Variants in GALNT17 observed in about 807,000 individuals in gnomAD.
The protein encoded by GALNT17 is UDP-GalNAc:polypeptide N-acetylgalactosaminyltransferase-like 3.
Under a neutral mutation model 63.7 loss-of-function variants are expected in GALNT17, and 29 were observed. The ratio of observed to expected loss-of-function variants is 0.46; its 90% confidence interval spans 0.34 to 0.62. The LOEUF is 0.62. Ranked by LOEUF, GALNT17 falls within the 20% of genes least tolerant of loss-of-function variation. The pLI is 0.01. For synonymous variants in GALNT17, 305 were observed against 318.3 expected (o/e 0.96, Z 0.45); for missense variants, 603 against 799.6 (o/e 0.75, Z 2.97).
chr7:71,315,197 C>T (rs570309469), intron 1 of GALNT17, among the ~76,000 whole-genome samples: 143 of 152,294 alleles, frequency 9.4e-4, no homozygotes, highest in African/African-American at 3.2e-3. Context: ...TAGCATCTAT[C>T]GGTACTTCCT....
intron 1 of GALNT17, among the ~76,000 whole-genome samples, chr7:71,291,790 ATC>A (rs1583834187): frequency 6.6e-6 from 1 of 152,138 alleles, no homozygotes; most frequent in Admixed American, 6.5e-5. Flanking sequence ...TAATAATTTT[ATC>A]TGTTATGAAC....
intron 9 of GALNT17, among the ~76,000 whole-genome samples, chr7:71,693,263 TAC>T (rs761584365): frequency 0.14 from 14,694 of 108,408 alleles, 1,178 homozygotes; most frequent in Non-Finnish European, 0.19. Context: ...CACACACACA[TAC>T]ACACACACAC....
chr7:71,231,276 T>G (rs1003250490), intron 1 of GALNT17, among the ~76,000 whole-genome samples: 2 of 151,918 alleles, frequency 1.3e-5, no homozygotes, highest in African/African-American at 4.8e-5. Context: ...GACCTTAGAC[T>G]TGAATCTTTT....
intron 5 of GALNT17, among the ~76,000 whole-genome samples, chr7:71,545,626 A>G (rs1400126230): frequency 6.6e-6 from 1 of 152,218 alleles, no homozygotes; most frequent in East Asian, 1.9e-4. Context: ...TGCTGGGATT[A>G]TAGGCATGAG....
rs181731006 is a variant in GALNT17, at chr7:71,286,196, C to T, written c.239-49354C>T. Reference sequence around the variant, plus strand: ...CCCTTTCAAGGCCTTAGAAGGGGCCCATGTAATTGAAAGACCCTGAACTTA... The same window carrying T: ...CCCTTTCAAGGCCTTAGAAGGGGCCTATGTAATTGAAAGACCCTGAACTTA... On this transcript the variant is annotated intron_variant, in intron 1 of 10. Transcript: ENST00000333538. Among the ~76,000 whole-genome samples the T allele has an allele frequency of 9.8e-5, 15 of 152,326 alleles. No individual in the cohort carries two copies. The East Asian group carries it at 2.5e-3, about 25-fold the overall frequency.
intron 1 of GALNT17, among the ~76,000 whole-genome samples, chr7:71,140,098 TTTC>T (rs1303760132): frequency 1.3e-5 from 2 of 152,218 alleles, no homozygotes; most frequent in Non-Finnish European, 2.9e-5. Context: ...TGGTGTTATA[TTTC>T]TTCTTTCTTG....
chr7:71,361,982 A>C (rs1431166571), intron 2 of GALNT17, among the ~76,000 whole-genome samples: 3 of 151,866 alleles, frequency 2.0e-5, no homozygotes, highest in Non-Finnish European at 4.4e-5. Context: ...TTTGAGATGG[A>C]GTCTCCCTCA....
rs139939008 is a variant in GALNT17 at position 71,193,228 on chromosome 7, A to G, written c.238+60188A>G. 6.2e-3 allele frequency among the ~76,000 whole-genome samples: 946 copies of G among 152,064 alleles called. 42 individuals are homozygous for G. The highest frequency in any genetic ancestry group is 1.9e-3 in the Non-Finnish European group (131 of 67,992). On this transcript the variant is annotated intron_variant, in intron 1 of 10. Coordinates refer to ENST00000333538, the MANE Select transcript of GALNT17 (RefSeq NM_022479.3). ...ATCCTCCTACCTGAGCCTCCTGAGC[A>G]TCTGGGACTACAGGTGCACACCACT...
At chr7:71,631,690 G>T (rs1172362160) in intron 6 of GALNT17, among the ~76,000 whole-genome samples, 1 of 152,114 alleles carries the variant, frequency 6.6e-6, no homozygotes, top group Non-Finnish European at 1.5e-5. Context: ...GGAAGGAGGA[G>T]GATGAACCAT....
chr7:71,526,092 A>G (rs1016145626), intron 5 of GALNT17, among the ~76,000 whole-genome samples: 4 of 152,052 alleles, frequency 2.6e-5, no homozygotes, highest in Admixed American at 2.0e-4. Context: ...CACACCTATA[A>G]TGATTATTAG....
chr7:71,168,787 A>G (rs1315536343), intron 1 of GALNT17, among the ~76,000 whole-genome samples: 1 of 151,980 alleles, frequency 6.6e-6, no homozygotes, highest in Non-Finnish European at 1.5e-5. Context: ...ATACAGTATT[A>G]ATAACTTTTT....
intron 1 of GALNT17, among the ~76,000 whole-genome samples, chr7:71,256,763 A>T (rs1790296996): frequency 6.6e-6 from 1 of 152,172 alleles, no homozygotes; most frequent in Non-Finnish European, 1.5e-5. Flanking sequence ...TTTGGCACCC[A>T]ATATGGGGCC....
At chr7:71,536,664 A>G (rs1262176680) in intron 5 of GALNT17, among the ~76,000 whole-genome samples, 1 of 152,172 alleles carries the variant, frequency 6.6e-6, no homozygotes, top group Non-Finnish European at 1.5e-5. Flanking sequence ...AATGATCTCC[A>G]ACTGGGTCCC....
chr7:71,204,717 C>A (rs1292800437), intron 1 of GALNT17, among the ~76,000 whole-genome samples: 1 of 151,940 alleles, frequency 6.6e-6, no homozygotes, highest in South Asian at 2.1e-4. Context: ...CGGCATGCAC[C>A]ACCATACCTG....
At chr7:71,443,497 G>A (rs1479245977) in intron 5 of GALNT17, among the ~76,000 whole-genome samples, 2 of 152,072 alleles carry the variant, frequency 1.3e-5, no homozygotes, top group Non-Finnish European at 2.9e-5. Context: ...TGCTCTATTA[G>A]TTCATCTTAG....
chr7:71,406,157 G>T (rs1443195726), intron 3 of GALNT17, among the ~76,000 whole-genome samples: 1 of 152,144 alleles, frequency 6.6e-6, no homozygotes, highest in Non-Finnish European at 1.5e-5. Flanking sequence ...TAGTGAGCTT[G>T]GTTAGCAATT....
chr7:71,163,806 G>A (rs943467971), intron 1 of GALNT17, among the ~76,000 whole-genome samples: 2 of 152,186 alleles, frequency 1.3e-5, no homozygotes, highest in East Asian at 3.9e-4. Context: ...GATGCAGATC[G>A]AAAAGGGATG....
At chr7:71,142,678 C>T (rs1475121989) in intron 1 of GALNT17, among the ~76,000 whole-genome samples, 3 of 152,176 alleles carry the variant, frequency 2.0e-5, no homozygotes, top group East Asian at 1.9e-4. Context: ...CGGTGGCTCA[C>T]GCCTGTAATC....
chr7:71,195,830 C>A (rs1421637551), intron 1 of GALNT17, among the ~76,000 whole-genome samples: 1 of 152,074 alleles, frequency 6.6e-6, no homozygotes, highest in African/African-American at 2.4e-5. Flanking sequence ...GTTACAGGCA[C>A]CCAGCCGAGC....
Sources: gnomAD v4.1 joint callset for allele counts (sites outside exome capture counted in the v4.1 genomes callset) on GRCh38, gnomAD v4.1.1 for gene constraint, MANE v1.5 for transcripts, NCBI Gene and HGNC (gene_info 2026-07-23, HGNC 2026-07-21) for gene names.